The following SND1 variants were observed in gnomAD, a reference collection of about 807,000 sequenced individuals.
SND1 encodes the protein staphylococcal nuclease domain-containing protein 1.
A neutral mutation model predicts 121.7 loss-of-function variants in SND1; 38 were observed. The ratio of observed to expected loss-of-function variants is 0.31; its 90% CI spans 0.24 to 0.41. SND1 has a LOEUF of 0.41. Ranked by LOEUF, SND1 falls within the 10% of genes least tolerant of loss-of-function variation. The pLI is 1.00. For missense variants in SND1, 868 were observed against 1,184.6 expected, an observed-to-expected ratio of 0.73 and a Z score of 3.92; for synonymous variants, 401 against 447.4, an observed-to-expected ratio of 0.90 and a Z score of 1.31.
chr7:128,001,626 T>A lies in SND1; in HGVS notation c.1779+10570T>A, dbSNP rs139251275. On this transcript the variant is annotated intron_variant, in intron 16 of 23. Transcript: ENST00000354725. Reference sequence around the variant, plus strand: ...GTGAATGGTAGCTTACAGCATCATTTTTATTATTAATAGAAATTCTCTCAG... The same window carrying A: ...GTGAATGGTAGCTTACAGCATCATTATTATTATTAATAGAAATTCTCTCAG... Among the ~76,000 whole-genome samples the A allele has an allele frequency of 4.0e-4, 61 of 152,346 alleles. 2 individuals carry two copies. In the East Asian group the frequency reaches 0.01, roughly 26 times the overall value.
chr7:127,944,974 G>T (rs1017961715), intron 15 of SND1, among the ~76,000 whole-genome samples: 4 of 152,080 alleles, frequency 2.6e-5, no homozygotes, highest in Admixed American at 6.5e-5. Flanking sequence ...TCAATTAACT[G>T]CCATCCACCC....
chr7:127,829,683 G>A (rs1444175469), intron 11 of SND1, among the ~76,000 whole-genome samples: 1 of 152,126 alleles, frequency 6.6e-6, no homozygotes, highest in African/African-American at 2.4e-5. Context: ...ACAAAGTATG[G>A]TATATCCTTA....
Position 128,056,822 on chromosome 7 carries a change from T to A in SND1, c.1780-17680T>A, listed in dbSNP as rs563552175. ...ATGCATATAATTTATACATAAGGTATAAGATTAATAACAATAATAATAAAA... is the reference window on the plus strand; with the variant it reads ...ATGCATATAATTTATACATAAGGTAAAAGATTAATAACAATAATAATAAAA... On this transcript the variant is annotated intron_variant, in intron 16 of 23. Transcript: ENST00000354725. Among the ~76,000 whole-genome samples the A allele has an allele frequency of 1.2e-3, 190 of 152,326 alleles. 6 individuals are homozygous for A. The South Asian group carries it at 0.037, about 30-fold the overall frequency.
intron 7 of SND1, among the ~76,000 whole-genome samples, chr7:127,703,868 A>G (rs1376150705): frequency 1.3e-5 from 2 of 152,222 alleles, no homozygotes; most frequent in Non-Finnish European, 2.9e-5. Flanking sequence ...ACTTGATCAC[A>G]TATTTATCTA....
chr7:127,749,461 G>C (rs940166711), intron 10 of SND1, among the ~76,000 whole-genome samples: 5 of 152,130 alleles, frequency 3.3e-5, no homozygotes, highest in Non-Finnish European at 7.3e-5. Context: ...TGATTACAGT[G>C]TTATGTTAGG....
At chr7:127,670,570 TA>T (rs1795498986) in intron 1 of SND1, among the ~76,000 whole-genome samples, 1 of 152,256 alleles carries the variant, frequency 6.6e-6, no homozygotes, top group Non-Finnish European at 1.5e-5. Context: ...TCAGTTACTT[TA>T]ACTCTGAACT....
intron 12 of SND1, among the ~76,000 whole-genome samples, chr7:127,872,058 G>A (rs1480884127): frequency 6.6e-6 from 1 of 152,158 alleles, no homozygotes; most frequent in Non-Finnish European, 1.5e-5. Flanking sequence ...CTTGAGCCCA[G>A]AAGTTCGAGT....
At chr7:127,892,901 T>C (rs909725815) in intron 13 of SND1, among the ~76,000 whole-genome samples, 1 of 150,318 alleles carries the variant, frequency 6.7e-6, no homozygotes, top group Non-Finnish European at 1.5e-5. Context: ...CCTTAGGGAG[T>C]GTGAAACATT....
At chr7:127,983,067 G>T (rs758126984) in intron 15 of SND1, among the ~76,000 whole-genome samples, 5 of 152,290 alleles carry the variant, frequency 3.3e-5, no homozygotes, top group East Asian at 1.9e-4. Flanking sequence ...AATCGGCCTG[G>T]ACAAACTTAA....
intron 22 of SND1, 60 bp from the exon 23 acceptor site, chr7:128,091,777 C>T (rs546629067): frequency 7.9e-5 from 124 of 1,577,826 alleles, no homozygotes; most frequent in Non-Finnish European, 3.8e-5. Flanking sequence ...CTGCAGGGTC[C>T]TGCTGGCTGA....
chr7:127,811,244 G>A (rs529867668), intron 11 of SND1, among the ~76,000 whole-genome samples: 1 of 152,098 alleles, frequency 6.6e-6, no homozygotes, highest in Non-Finnish European at 1.5e-5. Flanking sequence ...GAAGTTATGG[G>A]GCTATAAATC....
At chr7:127,694,720 G>T in intron 2 of SND1, 108 bp from the exon 3 acceptor site, 1 of 1,333,566 alleles carries the variant, frequency 7.5e-7, no homozygotes. Flanking sequence ...GCAGGGCCAG[G>T]ACCATGGTAG....
intron 14 of SND1, among the ~76,000 whole-genome samples, chr7:127,919,289 C>T (rs1361365809): frequency 2.0e-5 from 3 of 152,072 alleles, no homozygotes; most frequent in Non-Finnish European, 4.4e-5. Context: ...TCTGAAGTTG[C>T]ATTCTTGTGT....
intron 10 of SND1, among the ~76,000 whole-genome samples, chr7:127,797,183 G>T (rs1030309430): frequency 6.6e-6 from 1 of 152,068 alleles, no homozygotes; most frequent in African/African-American, 2.4e-5. Flanking sequence ...GTGAGCCGCT[G>T]TGCCCGGGCT....
intron 10 of SND1, among the ~76,000 whole-genome samples, chr7:127,755,852 A>C (rs1267159377): frequency 6.6e-6 from 1 of 152,254 alleles, no homozygotes. Flanking sequence ...GCCTGCTGCT[A>C]ATGGGATTGC....
intron 16 of SND1, among the ~76,000 whole-genome samples, chr7:128,041,795 T>G (rs1196372710): frequency 6.6e-6 from 1 of 152,224 alleles, no homozygotes; most frequent in African/African-American, 2.4e-5. Flanking sequence ...CATGACCACC[T>G]TGAAACTTGT....
chr7:127,659,052 A>G (rs1795262555), intron 1 of SND1, among the ~76,000 whole-genome samples: 1 of 152,202 alleles, frequency 6.6e-6, no homozygotes, highest in South Asian at 2.1e-4. Flanking sequence ...AATTTTGTGC[A>G]TTATCAGGGA....
At position 127,707,524 on chromosome 7, in the gene SND1, C is replaced by G. The variant is rs370623673; in HGVS notation, c.948-33C>G. The G allele has an allele frequency of 1.9e-6, 3 of 1,587,800 alleles. No individual in the cohort carries two copies. The African/African-American group carries it at 4.0e-5, about 21-fold the overall frequency. Reference sequence around the variant, plus strand: ...TAGTGGTGGATTCCATTTGCTGAGTCTGAATGATCTTGCATCCTTGCTTTG... The same window carrying G: ...TAGTGGTGGATTCCATTTGCTGAGTGTGAATGATCTTGCATCCTTGCTTTG... On this transcript the variant is annotated intron_variant, in intron 8 of 23. Transcript: ENST00000354725.
chr7:127,979,503 A>C (rs1345522809), intron 15 of SND1, among the ~76,000 whole-genome samples: 3 of 152,202 alleles, frequency 2.0e-5, no homozygotes, highest in Admixed American at 1.3e-4. Flanking sequence ...GTAGTTTGGC[A>C]GGAAGGGCAG....
Sources: allele counts gnomAD v4.1 joint callset (sites outside exome capture counted in the v4.1 genomes callset), GRCh38; gene constraint gnomAD v4.1.1; transcripts MANE v1.5; gene names NCBI Gene and HGNC (gene_info 2026-07-23, HGNC 2026-07-21).